EHBP1: variants seen among roughly 807,000 people sequenced by gnomAD.
EHBP1 encodes EH domain-binding protein 1.
A neutral mutation model predicts 144.0 loss-of-function variants in EHBP1; 55 were observed. The observed-to-expected ratio is 0.38, with a 90% CI of 0.31 to 0.48. EHBP1 has a LOEUF of 0.48. EHBP1 is among the 20% of genes least tolerant of loss of function. The pLI is 0.98. For synonymous variants in EHBP1, 469 were observed against 472.7 expected (o/e 0.99, Z 0.10); for missense variants, 1,200 against 1,364.2 (o/e 0.88, Z 1.90).
At chr2:62,736,484 A>G (rs1038641655) in intron 2 of EHBP1, among the ~76,000 whole-genome samples, 4 of 152,088 alleles carry the variant, frequency 2.6e-5, no homozygotes, top group Admixed American at 1.3e-4. Context: ...TTGGCCTCGC[A>G]AAGCGCTGGG....
At chr2:62,917,095 C>A (rs978301475) in intron 10 of EHBP1, among the ~76,000 whole-genome samples, 1 of 152,020 alleles carries the variant, frequency 6.6e-6, no homozygotes, top group African/African-American at 2.4e-5. Context: ...GTGTACTACA[C>A]GACTAGGTTA....
chr2:62,755,009 C>T (rs13003895), intron 3 of EHBP1, among the ~76,000 whole-genome samples: 24,912 of 152,196 alleles, frequency 0.16, 2,364 homozygotes, highest in Middle Eastern at 0.35. Context: ...ACCCACTGTC[C>T]GACAAGCCCC....
chr2:63,039,700 G>A (rs2061583329), intron 21 of EHBP1, among the ~76,000 whole-genome samples: 1 of 152,118 alleles, frequency 6.6e-6, no homozygotes, highest in Non-Finnish European at 1.5e-5. Flanking sequence ...GTACGTAAGG[G>A]AAAGCCAAGT....
At chr2:62,929,482 T>A (rs1275415946) in intron 10 of EHBP1, among the ~76,000 whole-genome samples, 1 of 152,114 alleles carries the variant, frequency 6.6e-6, no homozygotes, top group Non-Finnish European at 1.5e-5. Flanking sequence ...CATGTAATCA[T>A]CTCAGTCAAT....
At chr2:62,741,418 G>C (rs1006510655) in intron 2 of EHBP1, among the ~76,000 whole-genome samples, 5 of 152,178 alleles carry the variant, frequency 3.3e-5, no homozygotes, top group African/African-American at 1.2e-4. Flanking sequence ...ATTGTTCAAA[G>C]GTGGTAATAT....
At chr2:62,777,549 T>G (rs926984711) in intron 5 of EHBP1, among the ~76,000 whole-genome samples, 1 of 152,124 alleles carries the variant, frequency 6.6e-6, no homozygotes, top group Non-Finnish European at 1.5e-5. Context: ...ATCTTATATC[T>G]AGGATGTCCC....
intron 10 of EHBP1, among the ~76,000 whole-genome samples, chr2:62,915,420 A>C (rs182464183): frequency 6.6e-6 from 1 of 152,280 alleles, no homozygotes; most frequent in African/African-American, 2.4e-5. Flanking sequence ...TAATCTGAAC[A>C]GTAAATAACA....
At chr2:62,728,313 C>G (rs1281484104) in intron 2 of EHBP1, among the ~76,000 whole-genome samples, 2 of 152,214 alleles carry the variant, frequency 1.3e-5, no homozygotes, top group African/African-American at 4.8e-5. Flanking sequence ...TTTTGAAGAA[C>G]TGTCAAACTG....
At chr2:62,880,355 A>G (rs965674110) in intron 10 of EHBP1, among the ~76,000 whole-genome samples, 7 of 151,984 alleles carry the variant, frequency 4.6e-5, no homozygotes, top group Non-Finnish European at 8.8e-5. Context: ...TGAAAAAAAA[A>G]AAAAAGAAAA....
At chr2:62,930,581 C>T (rs1425399974) in intron 10 of EHBP1, among the ~76,000 whole-genome samples, 5 of 152,072 alleles carry the variant, frequency 3.3e-5, no homozygotes, top group African/African-American at 7.2e-5. Flanking sequence ...AAACAAGCCT[C>T]GAAAAGAACA....
chr2:62,930,798 A>G (rs907749089), intron 10 of EHBP1, among the ~76,000 whole-genome samples: 4 of 152,180 alleles, frequency 2.6e-5, no homozygotes, highest in African/African-American at 9.6e-5. Flanking sequence ...TTTTCAACAA[A>G]TAATATTGGA....
intron 3 of EHBP1, among the ~76,000 whole-genome samples, chr2:62,758,290 G>A (rs1046087135): frequency 1.3e-5 from 2 of 152,028 alleles, no homozygotes; most frequent in Non-Finnish European, 2.9e-5. Flanking sequence ...TGTATTTTTA[G>A]TAGAGATAGC....
chr2:62,992,676 C>G (rs1338035906), intron 16 of EHBP1, among the ~76,000 whole-genome samples: 1 of 152,096 alleles, frequency 6.6e-6, no homozygotes, highest in Non-Finnish European at 1.5e-5. Flanking sequence ...CTGTTACCTT[C>G]CCCTGAGGAT....
chr2:62,942,478 T>C (rs886634900), intron 10 of EHBP1, among the ~76,000 whole-genome samples: 1 of 152,204 alleles, frequency 6.6e-6, no homozygotes, highest in Non-Finnish European at 1.5e-5. Context: ...GGCCTGTTCT[T>C]ATGTATAAGT....
At chr2:62,790,216 GCAAA>G (rs2043082528) in intron 5 of EHBP1, among the ~76,000 whole-genome samples, 1 of 152,168 alleles carries the variant, frequency 6.6e-6, no homozygotes, top group Non-Finnish European at 1.5e-5. Context: ...GCAGAAGAAA[GCAAA>G]CAGAGTGGTT....
intron 2 of EHBP1, among the ~76,000 whole-genome samples, chr2:62,722,456 C>A (rs1254881830): frequency 1.3e-5 from 2 of 151,852 alleles, no homozygotes; most frequent in Non-Finnish European, 2.9e-5. Context: ...TAAACATAAC[C>A]ACAGTTTAAT....
At chr2:62,741,059 G>A (rs1318606299) in intron 2 of EHBP1, among the ~76,000 whole-genome samples, 2 of 152,088 alleles carry the variant, frequency 1.3e-5, no homozygotes, top group African/African-American at 4.8e-5. Context: ...GGGTGTTCCA[G>A]GTCAACTGGC....
At chr2:62,689,604 C>A (rs527464177) in intron 1 of EHBP1, among the ~76,000 whole-genome samples, 1 of 152,042 alleles carries the variant, frequency 6.6e-6, no homozygotes, top group African/African-American at 2.4e-5. Context: ...ACCGAGGTCT[C>A]GGAGATAACC....
At chr2:62,822,830 C>T (rs2046081436) in intron 5 of EHBP1, among the ~76,000 whole-genome samples, 1 of 152,154 alleles carries the variant, frequency 6.6e-6, no homozygotes, top group South Asian at 2.1e-4. Context: ...GCTGGTGCTA[C>T]AGTCGAATCC....
Sources: allele counts gnomAD v4.1 joint callset (sites outside exome capture counted in the v4.1 genomes callset), GRCh38; gene constraint gnomAD v4.1.1; transcripts MANE v1.5; gene names NCBI Gene and HGNC (gene_info 2026-07-23, HGNC 2026-07-21).